APOL3: variants seen among roughly 807,000 people sequenced by gnomAD.
APOL3 encodes TNF-inducible protein CG12-1.
In APOL3, 14 loss-of-function variants were observed where a neutral mutation model predicts 11.6. The observed-to-expected ratio is 1.21, with a 90% CI of 0.80 to 1.89. The LOEUF (loss-of-function observed/expected upper bound fraction) is 1.89, where lower values mean the gene tolerates loss of function less well. Among genes scored for constraint, APOL3 ranks in the 40% most tolerant of loss-of-function variants. The pLI, the probability that APOL3 is intolerant of heterozygous loss-of-function variation, is 0.00. For missense variants in APOL3, 483 were observed against 492.1 expected (o/e 0.98, Z 0.17); for synonymous variants, 192 against 190.6 (o/e 1.01, Z -0.06).
At chr22:36,152,612 C>T (rs2011947770) in intron 1 of APOL3, among the ~76,000 whole-genome samples, 1 of 152,118 alleles carries the variant, frequency 6.6e-6, no homozygotes, top group African/African-American at 2.4e-5. Context: ...GTTCTCACAA[C>T]AACCATCCTA....
chr22:36,162,010 GGCGGCGGGT>G, upstream of APOL3, among the ~76,000 whole-genome samples: 1 of 142,148 alleles, frequency 7.0e-6, no homozygotes, highest in South Asian at 2.1e-4. Flanking sequence ...GAAACCTTCT[GGCGGCGGGT>G]GCAGTGTGAG....
intron 1 of APOL3, chr22:36,154,558 G>A: frequency 2.1e-6 from 1 of 466,694 alleles, no homozygotes; most frequent in Middle Eastern, 3.3e-4. Flanking sequence ...CGTAAGTGTT[G>A]AGAATGAAGG....
exon 3 of APOL3, chr22:36,141,136 A>G: frequency 2.6e-6 from 4 of 1,549,800 alleles, no homozygotes; most frequent in Non-Finnish European, 3.5e-6. Flanking sequence ...CCCTAATAAA[A>G]TGCCTGCATT....
intron 1 of APOL3, among the ~76,000 whole-genome samples, chr22:36,158,620 A>C (rs1259254028): frequency 2.0e-5 from 3 of 152,064 alleles, no homozygotes; most frequent in Non-Finnish European, 4.4e-5. Flanking sequence ...GAGATCGAGA[A>C]CATCCTGGCT....
At chr22:36,156,487 G>A (rs1050038801) in intron 1 of APOL3, among the ~76,000 whole-genome samples, 2 of 152,048 alleles carry the variant, frequency 1.3e-5, no homozygotes, top group Middle Eastern at 3.2e-3. Context: ...ACTGCTCCCT[G>A]CCCACACAGT....
intron 2 of APOL3, 23 bp from the exon 4 acceptor site, chr22:36,142,081 A>G (rs768437098): frequency 2.6e-6 from 4 of 1,568,468 alleles, no homozygotes; most frequent in Non-Finnish European, 2.6e-6. Flanking sequence ...AGGACAGATG[A>G]TTAAGAAAGG....
At chr22:36,157,025 A>G (rs1411337781) in intron 1 of APOL3, 2 of 456,212 alleles carry the variant, frequency 4.4e-6, no homozygotes, top group Non-Finnish European at 4.4e-6. Flanking sequence ...GGAAGAACAA[A>G]TAAGACCATG....
exon 3 of APOL3, chr22:36,141,700 T>G (rs1603474379): frequency 6.2e-7 from 1 of 1,614,090 alleles, no homozygotes; most frequent in East Asian, 2.2e-5. Context: ...ACGATGCTGG[T>G]GGTGATCCCA....
chr22:36,145,648 T>C, intron 1 of APOL3, 49 bp from the exon 3 acceptor site: 2 of 1,602,614 alleles, frequency 1.2e-6, no homozygotes, highest in Non-Finnish European at 8.5e-7. Context: ...TGCTACAGCC[T>C]AAATGGCATT....
intron 1 of APOL3, among the ~76,000 whole-genome samples, chr22:36,158,155 T>C (rs765624922): frequency 3.3e-5 from 5 of 152,214 alleles, no homozygotes; most frequent in Non-Finnish European, 5.9e-5. Flanking sequence ...AGCTCACTTT[T>C]GAACCATATA....
chr22:36,157,607 C>A (rs2146886136), intron 1 of APOL3, among the ~76,000 whole-genome samples: 1 of 152,250 alleles, frequency 6.6e-6, no homozygotes. Context: ...AGTTTTACCT[C>A]TTACAAATTA....
chr22:36,161,374 G>A (rs911637885), upstream of APOL3: 3 of 184,642 alleles, frequency 1.6e-5, no homozygotes, highest in East Asian at 4.2e-4. Context: ...GATTTTGAAG[G>A]GGTGAAATCT....
Position 36,145,611 on chromosome 22 carries a change from C to T in APOL3, c.224-12G>A, listed in dbSNP as rs2060168596. 6.2e-7 allele frequency: 1 copy of T among 1,611,820 alleles called. No homozygotes were observed. The highest frequency in any genetic ancestry group is 2.2e-5 in the East Asian group (1 of 44,850). On this transcript the variant is annotated splice_polypyrimidine_tract_variant and intron_variant, in intron 1 of 2. Coordinates refer to ENST00000349314, the Ensembl canonical transcript of APOL3. ...AAAGCGTTTCTTTTCTACTTGGAAA[C>T]AAAAAGCATAAGATTGGAAGAAAGT... is the stretch of plus-strand genomic sequence containing the variant.
upstream of APOL3, among the ~76,000 whole-genome samples, chr22:36,163,790 A>G (rs2013792011): frequency 6.6e-6 from 1 of 152,372 alleles, no homozygotes; most frequent in Admixed American, 6.5e-5. Context: ...AGCTGCATCC[A>G]CACTCCTATG....
rs1266849350 is a variant in APOL3, at chr22:36,141,347, G to A, written c.1062C>T (p.Val354=). 3 of 1,614,180 alleles carry A rather than the reference G, an allele frequency of 1.9e-6. No homozygotes were observed. In the South Asian group the frequency reaches 3.3e-5, roughly 18 times the overall value. Residue 354 remains valine, a synonymous_variant, in exon 3 of 3, where the codon GTC becomes GTT. Coordinates refer to ENST00000349314, the Ensembl canonical transcript of APOL3. ...AGTGCTTTGACTCGTATACAAGGTT[G>A]ACCACATCCAGTGCAAGGAAGATGC... is the stretch of plus-strand genomic sequence containing the variant.
intron 1 of APOL3, chr22:36,156,020 T>G (rs1437124756): frequency 3.6e-6 from 1 of 277,052 alleles, no homozygotes; most frequent in African/African-American, 2.3e-5. Context: ...TCCCTGCAAG[T>G]GGCTGTGGGG....
intron 1 of APOL3, among the ~76,000 whole-genome samples, chr22:36,150,779 G>T (rs1024858243): frequency 5.3e-5 from 8 of 152,292 alleles, no homozygotes; most frequent in African/African-American, 1.9e-4. Flanking sequence ...CAGTTACCCG[G>T]GAGGCTGAGG....
chr22:36,161,067 C>G, upstream of APOL3: 1 of 618,652 alleles, frequency 1.6e-6, no homozygotes, highest in South Asian at 1.9e-5. Context: ...CTCCCCACCC[C>G]CAATAACACC....
chr22:36,153,485 C>G, intron 1 of APOL3: 1 of 448,962 alleles, frequency 2.2e-6, no homozygotes, highest in Non-Finnish European at 4.5e-6. Context: ...ACAGCATAAT[C>G]AGAGTGAACT....
Sources: gnomAD v4.1 joint callset for allele counts (sites outside exome capture counted in the v4.1 genomes callset) on GRCh38, gnomAD v4.1.1 for gene constraint, MANE v1.5 for transcripts, NCBI Gene and HGNC (gene_info 2026-07-23, HGNC 2026-07-21) for gene names.